The following PTPRD variants were observed in gnomAD, a reference collection of about 807,000 sequenced individuals.
PTPRD encodes receptor-type tyrosine-protein phosphatase delta.
In PTPRD, 34 loss-of-function variants were observed where a neutral mutation model predicts 214.5. The observed-to-expected ratio is 0.16, with a 90% CI of 0.12 to 0.21. The LOEUF is 0.21. Among genes scored for constraint, PTPRD ranks in the 10% least tolerant of loss-of-function variants. The pLI, the probability that PTPRD is intolerant of heterozygous loss-of-function variation, is 1.00. For synonymous variants in PTPRD, 1,128 were observed against 845.7 expected, an observed-to-expected ratio of 1.33 and a Z score of -5.79; for missense variants, 2,545 against 2,398.7, an observed-to-expected ratio of 1.06 and a Z score of -1.27.
intron 14 of PTPRD, among the ~76,000 whole-genome samples, chr9:8,612,561 G>A (rs72698226): frequency 0.028 from 4,329 of 152,242 alleles, 182 homozygotes; most frequent in African/African-American, 0.09. Context: ...TTATTACATG[G>A]GAATGCATTG....
rs546043663 is a variant in PTPRD, at chr9:8,661,458, T to C, written c.65-24614A>G. On this transcript the variant is annotated intron_variant, in intron 12 of 45. Transcript: ENST00000381196. The stretch of plus-strand genomic sequence containing the variant: ...GACATATAGAAAAAATGACTTTGTA[T>C]TCCAAAGGGAAATTTTAATGTCTAG... 2.2e-3 allele frequency among the ~76,000 whole-genome samples: 334 copies of C among 152,196 alleles called. 6 individuals are homozygous for C. Among genetic ancestry groups the C allele is most frequent in the African/African-American group, 7.7e-3 (318 of 41,492 alleles).
chr9:9,545,485 T>C (rs2078577041), intron 8 of PTPRD, among the ~76,000 whole-genome samples: 9 of 151,982 alleles, frequency 5.9e-5, no homozygotes, highest in Admixed American at 5.9e-4. Flanking sequence ...ATTGTTTAGA[T>C]GTGCCACACT....
intron 4 of PTPRD, among the ~76,000 whole-genome samples, chr9:10,031,133 A>T (rs2097058156): frequency 6.6e-6 from 1 of 151,930 alleles, no homozygotes; most frequent in African/African-American, 2.4e-5. Flanking sequence ...CTTTTAAGAC[A>T]AGCTAATAAT....
chr9:9,600,812 G>A (rs76012953), intron 7 of PTPRD, among the ~76,000 whole-genome samples: 56 of 152,166 alleles, frequency 3.7e-4, no homozygotes, highest in African/African-American at 1.3e-3. Flanking sequence ...GTACTAAAAT[G>A]TTACTGGTCT....
At chr9:9,954,612 G>A (rs1311470949) in intron 4 of PTPRD, among the ~76,000 whole-genome samples, 1 of 151,810 alleles carries the variant, frequency 6.6e-6, no homozygotes, top group Non-Finnish European at 1.5e-5. Flanking sequence ...TAAAATCCAT[G>A]AATATTAACT....
intron 2 of PTPRD, among the ~76,000 whole-genome samples, chr9:10,528,570 C>A (rs1467773145): frequency 3.3e-5 from 5 of 152,090 alleles, no homozygotes; most frequent in Non-Finnish European, 7.4e-5. Flanking sequence ...CATATGTATA[C>A]TCAGGGCCTA....
At chr9:9,453,086 T>C (rs2092483427) in intron 8 of PTPRD, among the ~76,000 whole-genome samples, 1 of 151,042 alleles carries the variant, frequency 6.6e-6, no homozygotes, top group Non-Finnish European at 1.5e-5. Flanking sequence ...CACTGATACA[T>C]ATTAATTATC....
intron 5 of PTPRD, among the ~76,000 whole-genome samples, chr9:9,866,519 C>A (rs534361517): frequency 5.7e-4 from 87 of 151,882 alleles, no homozygotes; most frequent in African/African-American, 2.1e-3. Flanking sequence ...CCATTTATAT[C>A]AAAAAGAAAC....
intron 2 of PTPRD, among the ~76,000 whole-genome samples, chr9:10,555,240 T>C (rs1566911089): frequency 6.6e-6 from 1 of 152,258 alleles, no homozygotes; most frequent in Non-Finnish European, 1.5e-5. Flanking sequence ...AACCAAGCCT[T>C]ATATATTTGT....
chr9:10,254,638 G>A (rs538069299), intron 3 of PTPRD, among the ~76,000 whole-genome samples: 1 of 152,224 alleles, frequency 6.6e-6, no homozygotes, highest in African/African-American at 2.4e-5. Context: ...ATTACAAATA[G>A]AGTAAAAGAT....
intron 2 of PTPRD, among the ~76,000 whole-genome samples, chr9:10,536,556 AT>A (rs2057842877): frequency 6.6e-6 from 1 of 152,138 alleles, no homozygotes; most frequent in South Asian, 2.1e-4. Context: ...CCTAACTACC[AT>A]CCATTACAAG....
chr9:10,427,808 A>G (rs757185731), intron 2 of PTPRD, among the ~76,000 whole-genome samples: 45 of 152,206 alleles, frequency 3.0e-4, no homozygotes, highest in Middle Eastern at 6.8e-3. Context: ...GTGATTGGCC[A>G]CTAAAACCAC....
intron 5 of PTPRD, among the ~76,000 whole-genome samples, chr9:9,831,580 G>A (rs1421861411): frequency 6.6e-6 from 1 of 151,920 alleles, no homozygotes; most frequent in Admixed American, 6.6e-5. Flanking sequence ...TGTAGGAGTT[G>A]ACTTGCAACA....
chr9:9,070,418 C>A (rs2099742088), intron 10 of PTPRD, among the ~76,000 whole-genome samples: 1 of 152,050 alleles, frequency 6.6e-6, no homozygotes, highest in African/African-American at 2.4e-5. Context: ...GCATAGGTAG[C>A]AACATCGATC....
intron 9 of PTPRD, among the ~76,000 whole-genome samples, chr9:9,341,940 C>G (rs892533573): frequency 2.0e-5 from 3 of 152,092 alleles, no homozygotes; most frequent in African/African-American, 7.2e-5. Context: ...TCTCCAGTAG[C>G]TGGGATTACA....
intron 11 of PTPRD, among the ~76,000 whole-genome samples, chr9:8,879,450 G>A (rs985120755): frequency 2.6e-5 from 4 of 152,056 alleles, no homozygotes; most frequent in African/African-American, 4.8e-5. Context: ...GGTAGGCACT[G>A]CAAAACACTA....
In PTPRD at chr9:9,346,182, C is replaced by T. The variant is rs117810179; in HGVS notation, c.-203+51267G>A. On this transcript the variant is annotated intron_variant, in intron 9 of 45. Transcript: ENST00000381196. ...TTCCTAGCCATATTCTCCTGAGATG[C>T]CTAAAGGAGTCTAGTGATCTACTAA... Among the ~76,000 whole-genome samples the T allele has an allele frequency of 4.3e-4, 66 of 152,124 alleles. No homozygotes were observed. In the East Asian group the frequency reaches 0.012, roughly 28 times the overall value.
intron 4 of PTPRD, among the ~76,000 whole-genome samples, chr9:10,003,051 T>G (rs2096371579): frequency 6.6e-6 from 1 of 151,816 alleles, no homozygotes; most frequent in African/African-American, 2.4e-5. Flanking sequence ...AATTAATAAT[T>G]ACTTGGAAAT....
In PTPRD at chr9:9,954,168, C is replaced by A. The variant is rs184820406; in HGVS notation, c.-471-15558G>T. Among the ~76,000 whole-genome samples the A allele has an allele frequency of 1.4e-3, 207 of 151,552 alleles. 2 individuals are homozygous for A. In the Middle Eastern group the frequency reaches 0.048, roughly 35 times the overall value. On this transcript the variant is annotated intron_variant, in intron 4 of 45. Coordinates refer to ENST00000381196, the MANE Select transcript of PTPRD (RefSeq NM_002839.4). Reference sequence around the variant, plus strand: ...AAAATTAGCTGGGTGTGGTGGTGTGCACCTGTAATCCCAGCTACTTGGGAG... The same window carrying A: ...AAAATTAGCTGGGTGTGGTGGTGTGAACCTGTAATCCCAGCTACTTGGGAG...
Sources: gnomAD v4.1 joint callset for allele counts (sites outside exome capture counted in the v4.1 genomes callset) on GRCh38, gnomAD v4.1.1 for gene constraint, MANE v1.5 for transcripts, NCBI Gene and HGNC (gene_info 2026-07-23, HGNC 2026-07-21) for gene names.